NXPE4: variants seen among roughly 807,000 people sequenced by gnomAD.
NXPE4 encodes the protein neurexophilin and PC-esterase domain family member 4.
Under a neutral mutation model 33.3 loss-of-function variants are expected in NXPE4, and 42 were observed. That is an observed-to-expected ratio of 1.26 (90% CI 0.98 to 1.63). The LOEUF (loss-of-function observed/expected upper bound fraction) is 1.63, where lower values mean the gene tolerates loss of function less well. Among genes scored for constraint, NXPE4 ranks in the 40% most tolerant of loss-of-function variants. The pLI, the probability that NXPE4 is intolerant of heterozygous loss-of-function variation, is 0.00. For synonymous variants in NXPE4, 253 were observed against 234.9 expected, an observed-to-expected ratio of 1.08 and a Z score of -0.71; for missense variants, 709 against 647.6, an observed-to-expected ratio of 1.09 and a Z score of -1.03.
In NXPE4 at chr11:114,582,742, G is replaced by A. The variant is rs1034366792; in HGVS notation, c.376C>T (p.His126Tyr). Residue 126 changes from histidine to tyrosine, a missense_variant, in exon 3 of 6, where the codon CAC becomes TAC. Coordinates refer to ENST00000375478, the MANE Select transcript of NXPE4 (RefSeq NM_001077639.2). ...QLHILLEVRD[H>Y]LGRRKQYGGD... The stretch of plus-strand genomic sequence containing the variant: ...CCATATTGCTTCCTGCGTCCCAAGT[G>A]GTCCCTCACCTCCAGCAGGATGTGC... 3 of 1,614,124 alleles carry A rather than the reference G, an allele frequency of 1.9e-6. No homozygotes were observed. Among genetic ancestry groups the A allele is most frequent in the Non-Finnish European group, 2.5e-6 (3 of 1,180,006 alleles).
chr11:114,578,305 G>T (rs1439917078), intron 5 of NXPE4, among the ~76,000 whole-genome samples: 1 of 152,146 alleles, frequency 6.6e-6, no homozygotes, highest in African/African-American at 2.4e-5. Context: ...TCTGGCCATA[G>T]AATTTAACTT....
At chr11:114,586,667 C>T (rs1289258665) in intron 2 of NXPE4, among the ~76,000 whole-genome samples, 3 of 152,088 alleles carry the variant, frequency 2.0e-5, no homozygotes, top group African/African-American at 4.8e-5. Context: ...AGGTTCCTTG[C>T]CAGGGAGACA....
chr11:114,636,885 A>G, the NXPE4 span, among the ~76,000 whole-genome samples: 2 of 152,112 alleles, frequency 1.3e-5, no homozygotes, highest in Non-Finnish European at 1.5e-5. Flanking sequence ...ATTTCCAAGT[A>G]TATGGTCAAT....
In NXPE4 at chr11:114,570,974, T is replaced by C; in HGVS notation, c.1599A>G (p.Gly533=). Residue 533 remains glycine, a synonymous_variant, in exon 6 of 6, where the codon GGA becomes GGG. Coordinates refer to ENST00000375478, the MANE Select transcript of NXPE4 (RefSeq NM_001077639.2). ...AGTTTAATAATATATTAATCTGATT[T>C]CCGACTACATGTTGAGGTGGGTGTA... ...NNVHPPQHVV[G]NQINILLNYI... 6.2e-7 allele frequency: 1 copy of C among 1,609,592 alleles called. No individual in the cohort carries two copies. Among genetic ancestry groups the C allele is most frequent in the South Asian group, 1.1e-5 (1 of 90,670 alleles).
intron 3 of NXPE4, among the ~76,000 whole-genome samples, chr11:114,582,067 CT>C (rs1949158823): frequency 6.6e-6 from 1 of 152,070 alleles, no homozygotes; most frequent in African/African-American, 2.4e-5. Context: ...AGTTTTTATT[CT>C]GTATATATTT....
the NXPE4 span, among the ~76,000 whole-genome samples, chr11:114,645,648 T>C: frequency 2.0e-5 from 3 of 152,088 alleles, no homozygotes; most frequent in South Asian, 6.2e-4. Context: ...TGTCCAAAGT[T>C]AGCAAAGAAC....
chr11:114,650,586 C>T, the NXPE4 span, among the ~76,000 whole-genome samples: 1 of 152,210 alleles, frequency 6.6e-6, no homozygotes, highest in South Asian at 2.1e-4. Context: ...AAAATCTACA[C>T]TGCAAAGGGA....
At position 114,594,347 on chromosome 11, in the gene NXPE4, C is replaced by G. The variant is rs180974603; in HGVS notation, c.96+317G>C. Among the ~76,000 whole-genome samples the G allele has an allele frequency of 1.1e-3, 162 of 152,094 alleles. 4 individuals carry two copies. The highest frequency in any genetic ancestry group is 0.01 in the Middle Eastern group (3 of 294). On this transcript the variant is annotated intron_variant, in intron 2 of 5. Coordinates refer to ENST00000375478, the MANE Select transcript of NXPE4 (RefSeq NM_001077639.2). ...ACAAAAATTAAAAATTAAAAACAAA[C>G]AAATGAAAACCAAAAATATAGATAT...
chr11:114,612,626 A>G, the NXPE4 span, among the ~76,000 whole-genome samples: 1 of 151,702 alleles, frequency 6.6e-6, no homozygotes, highest in African/African-American at 2.4e-5. Context: ...CCTGTGGATA[A>G]TAAGTATTGC....
the NXPE4 span, among the ~76,000 whole-genome samples, chr11:114,632,684 ATAAATTTATATATT>A: frequency 1.7e-5 from 1 of 58,406 alleles, no homozygotes; most frequent in Non-Finnish European, 2.7e-5. Flanking sequence ...ATTTATATAT[ATAAATTTATATATT>A]TATATAATAT....
At chr11:114,639,650 T>C in the NXPE4 span, among the ~76,000 whole-genome samples, 1 of 144,080 alleles carries the variant, frequency 6.9e-6, no homozygotes, top group South Asian at 2.1e-4. Flanking sequence ...AATTTATTTA[T>C]ATATAATTTA....
At chr11:114,598,672 A>G (rs1422257569), upstream of NXPE4, among the ~76,000 whole-genome samples, 1 of 151,386 alleles carries the variant, frequency 6.6e-6, no homozygotes, top group Non-Finnish European at 1.5e-5. Context: ...GGCCTCTTTG[A>G]GCCATGGCTG....
the NXPE4 span, among the ~76,000 whole-genome samples, chr11:114,615,220 A>G: frequency 2.0e-5 from 3 of 151,922 alleles, no homozygotes; most frequent in African/African-American, 4.8e-5. Flanking sequence ...GATACTAAGT[A>G]TCGCCTCTTG....
upstream of NXPE4, among the ~76,000 whole-genome samples, chr11:114,598,745 G>A (rs961716875): frequency 1.3e-5 from 2 of 152,064 alleles, no homozygotes; most frequent in East Asian, 1.9e-4. Flanking sequence ...ACAGGGCCCC[G>A]GGCCTGGCTC....
the NXPE4 span, among the ~76,000 whole-genome samples, chr11:114,633,018 T>G: frequency 9.1e-6 from 1 of 110,248 alleles, no homozygotes; most frequent in African/African-American, 3.7e-5. Context: ...TATTATATAA[T>G]ATATAATGTA....
chr11:114,625,633 T>C, the NXPE4 span, among the ~76,000 whole-genome samples: 1 of 152,276 alleles, frequency 6.6e-6, no homozygotes, highest in East Asian at 1.9e-4. Context: ...GTAACTGCTG[T>C]TACCCGGTGG....
chr11:114,597,016 T>C (rs901016516), upstream of NXPE4, among the ~76,000 whole-genome samples: 3 of 152,194 alleles, frequency 2.0e-5, no homozygotes, highest in Non-Finnish European at 2.9e-5. Flanking sequence ...ATAGTGTATA[T>C]GTATAACAAC....
At chr11:114,636,871 GT>G in the NXPE4 span, among the ~76,000 whole-genome samples, 2 of 151,986 alleles carry the variant, frequency 1.3e-5, no homozygotes, top group Non-Finnish European at 2.9e-5. Context: ...CTGAGGAGAG[GT>G]TTATTTCCAA....
At chr11:114,602,351 C>T in the NXPE4 span, among the ~76,000 whole-genome samples, 1 of 122,008 alleles carries the variant, frequency 8.2e-6, no homozygotes. Flanking sequence ...ATAACATATA[C>T]TATATATAAT....
Sources: allele counts gnomAD v4.1 joint callset (sites outside exome capture counted in the v4.1 genomes callset), GRCh38; gene constraint gnomAD v4.1.1; transcripts MANE v1.5; gene names NCBI Gene and HGNC (gene_info 2026-07-23, HGNC 2026-07-21).